Variants in FARS2 observed in about 807,000 individuals in gnomAD.
The protein encoded by FARS2 is phenylalanyl-tRNA synthetase 2, mitochondrial, also known as phenylalanine--tRNA ligase, mitochondrial.
A neutral mutation model predicts 46.4 loss-of-function variants in FARS2; 40 were observed. The observed-to-expected ratio is 0.86, with a 90% CI of 0.67 to 1.12. FARS2 has a LOEUF of 1.12. FARS2 is among the 50% of genes most tolerant of loss of function. FARS2 has a pLI of 0.00. For missense variants in FARS2, 513 were observed against 567.9 expected, an observed-to-expected ratio of 0.90 and a Z score of 0.98; for synonymous variants, 234 against 214.9, an observed-to-expected ratio of 1.09 and a Z score of -0.78.
intron 6 of FARS2, among the ~76,000 whole-genome samples, chr6:5,710,512 G>C (rs1464583281): frequency 6.6e-6 from 1 of 152,080 alleles, no homozygotes; most frequent in Non-Finnish European, 1.5e-5. Context: ...GGTGGTCGCT[G>C]AGAGGGACAG....
At chr6:5,335,653 G>A (rs547504091) in intron 1 of FARS2, among the ~76,000 whole-genome samples, 1 of 152,180 alleles carries the variant, frequency 6.6e-6, no homozygotes, top group South Asian at 2.1e-4. Flanking sequence ...CTGCTGTTTG[G>A]TGAAATCAAG....
chr6:5,428,933 C>G (rs2127764066), intron 3 of FARS2, among the ~76,000 whole-genome samples: 1 of 152,180 alleles, frequency 6.6e-6, no homozygotes, highest in East Asian at 1.9e-4. Context: ...TGCAACAACA[C>G]AGGTGAATCT....
At chr6:5,357,497 A>C (rs1257003235) in intron 1 of FARS2, among the ~76,000 whole-genome samples, 2 of 152,244 alleles carry the variant, frequency 1.3e-5, no homozygotes, top group Non-Finnish European at 2.9e-5. Flanking sequence ...AAGTGTGTAC[A>C]GAAGACAATT....
At chr6:5,716,055 G>C (rs1759473730) in intron 6 of FARS2, among the ~76,000 whole-genome samples, 2 of 152,060 alleles carry the variant, frequency 1.3e-5, no homozygotes, top group Admixed American at 6.5e-5. Context: ...ATTTTTCCCT[G>C]ATGGCCAGTA....
intron 6 of FARS2, among the ~76,000 whole-genome samples, chr6:5,693,099 T>A (rs1470416255): frequency 6.6e-6 from 1 of 152,220 alleles, no homozygotes; most frequent in Non-Finnish European, 1.5e-5. Context: ...ATTGTACTCT[T>A]CTGGCATAGT....
chr6:5,626,808 A>G (rs996730038), intron 6 of FARS2, among the ~76,000 whole-genome samples: 1 of 152,230 alleles, frequency 6.6e-6, no homozygotes, highest in Non-Finnish European at 1.5e-5. Context: ...CATTCTGAGA[A>G]ATTCGTCATT....
At chr6:5,514,230 C>T (rs1176217331) in intron 4 of FARS2, among the ~76,000 whole-genome samples, 1 of 152,034 alleles carries the variant, frequency 6.6e-6, no homozygotes, top group Non-Finnish European at 1.5e-5. Flanking sequence ...TGCCAGCCAC[C>T]TAGTTAAAGC....
intron 1 of FARS2, among the ~76,000 whole-genome samples, chr6:5,340,214 T>G (rs1668282160): frequency 6.6e-6 from 1 of 152,208 alleles, no homozygotes; most frequent in Non-Finnish European, 1.5e-5. Context: ...AGGTAGCAAC[T>G]AGTCACCTGT....
At chr6:5,259,951 T>C (rs977013358), upstream of FARS2, among the ~76,000 whole-genome samples, 1 of 151,874 alleles carries the variant, frequency 6.6e-6, no homozygotes, top group Non-Finnish European at 1.5e-5. Context: ...CATAGGCAAA[T>C]AGGGGAGTGG....
intron 1 of FARS2, among the ~76,000 whole-genome samples, chr6:5,331,122 A>G (rs923715982): frequency 7.4e-5 from 11 of 149,418 alleles, no homozygotes; most frequent in African/African-American, 2.5e-4. Context: ...AAAAAAAAAA[A>G]GATTGATGGT....
At chr6:5,453,328 A>G (rs190110081) in intron 4 of FARS2, among the ~76,000 whole-genome samples, 3 of 152,360 alleles carry the variant, frequency 2.0e-5, no homozygotes, top group African/African-American at 7.2e-5. Context: ...AGTTGCCACA[A>G]AAAAGCATAG....
At chr6:5,640,784 T>C (rs1776778514) in intron 6 of FARS2, among the ~76,000 whole-genome samples, 2 of 152,232 alleles carry the variant, frequency 1.3e-5, no homozygotes, top group Non-Finnish European at 1.5e-5. Flanking sequence ...GCTATTTCTG[T>C]AAACTAATGA....
At chr6:5,306,585 C>G (rs1389720217) in intron 1 of FARS2, among the ~76,000 whole-genome samples, 1 of 152,150 alleles carries the variant, frequency 6.6e-6, no homozygotes. Flanking sequence ...AAATGCTTGT[C>G]CTTGATATAA....
chr6:5,695,619 G>A (rs963692288), intron 6 of FARS2, among the ~76,000 whole-genome samples: 4 of 152,196 alleles, frequency 2.6e-5, no homozygotes, highest in East Asian at 1.9e-4. Flanking sequence ...TGAGTAACTT[G>A]TAGAAGGTCA....
chr6:5,480,915 G>A (rs561932603), intron 4 of FARS2, among the ~76,000 whole-genome samples: 3 of 152,292 alleles, frequency 2.0e-5, no homozygotes, highest in Admixed American at 6.5e-5. Flanking sequence ...AAACAACATC[G>A]AGTGTGTATG....
rs565303171 is a variant in FARS2 at position 5,466,406 on chromosome 6, T to C, written c.904+35234T>C. On this transcript the variant is annotated intron_variant, in intron 4 of 6. Transcript: ENST00000274680. ...TTGGTCTCCTTCCTGTTGCCCCCACTAGATGCTGAGCTCCTTAAAGGCAAG... is the reference window on the plus strand; with the variant it reads ...TTGGTCTCCTTCCTGTTGCCCCCACCAGATGCTGAGCTCCTTAAAGGCAAG... Among the ~76,000 whole-genome samples, 30 of 152,314 alleles carry C rather than the reference T, an allele frequency of 2.0e-4. 2 individuals carry two copies. In the South Asian group the frequency reaches 6.0e-3, roughly 31 times the overall value.
intron 4 of FARS2, among the ~76,000 whole-genome samples, chr6:5,501,648 C>T (rs758885756): frequency 2.6e-5 from 4 of 152,228 alleles, no homozygotes; most frequent in South Asian, 4.2e-4. Flanking sequence ...GCGTGAGCCA[C>T]CACACCCATC....
intron 4 of FARS2, among the ~76,000 whole-genome samples, chr6:5,466,289 C>T (rs1165310542): frequency 6.6e-6 from 1 of 152,160 alleles, no homozygotes; most frequent in East Asian, 1.9e-4. Context: ...CATTCCTATC[C>T]CCAACTCCAG....
intron 4 of FARS2, among the ~76,000 whole-genome samples, chr6:5,496,474 G>A (rs778291507): frequency 1.1e-4 from 17 of 152,140 alleles, no homozygotes; most frequent in African/African-American, 1.7e-4. Flanking sequence ...AACTTGCTAC[G>A]GGTGCCATAA....
Sources: allele counts gnomAD v4.1 joint callset (sites outside exome capture counted in the v4.1 genomes callset), GRCh38; gene constraint gnomAD v4.1.1; transcripts MANE v1.5; gene names NCBI Gene and HGNC (gene_info 2026-07-23, HGNC 2026-07-21).